Variants in IRGM observed in about 807,000 individuals in gnomAD.
IRGM encodes immunity related GTPase M, also known as immunity-related GTPase family M protein.
For missense variants in IRGM, 288 were observed against 219.9 expected, an observed-to-expected ratio of 1.31 and a Z score of -1.96; for synonymous variants, 98 against 80.6, an observed-to-expected ratio of 1.22 and a Z score of -1.16.
rs183330830 is a variant in IRGM at position 150,895,680 on chromosome 5, G to C, written c.*141-4909G>C. ...TTTCCCACATTCAGTACATATATAA[G>C]GTTTTTCTCCTGTGTGAATTCTCTG... On this transcript the variant is annotated intron_variant and NMD_transcript_variant, in intron 3 of 3. Coordinates refer to the IRGM transcript ENST00000520549. The C allele has an allele frequency of 2.5e-5, 40 of 1,613,512 alleles. No homozygotes were observed. In the East Asian group the frequency reaches 8.2e-4, roughly 33 times the overall value.
chr5:150,874,862 T>C (rs746279418), intron 1 of IRGM, among the ~76,000 whole-genome samples: 3 of 152,228 alleles, frequency 2.0e-5, no homozygotes, highest in Non-Finnish European at 2.9e-5. Flanking sequence ...GAGACAGCTC[T>C]TGGCCTGTCA....
chr5:150,859,561 C>G (rs1212604110), intron 1 of IRGM, among the ~76,000 whole-genome samples: 1 of 152,036 alleles, frequency 6.6e-6, no homozygotes, highest in Non-Finnish European at 1.5e-5. Flanking sequence ...TGGTCCTGGA[C>G]TTTTTTTGGT....
At chr5:150,879,950 G>A (rs577662432) in intron 3 of IRGM, among the ~76,000 whole-genome samples, 39 of 152,264 alleles carry the variant, frequency 2.6e-4, no homozygotes, top group East Asian at 9.7e-4. Context: ...GCTCATAAAC[G>A]TGAGCAGCAG....
At chr5:150,878,005 CA>C in exon 2 of IRGM, 1 of 457,458 alleles carries the variant, frequency 2.2e-6, no homozygotes, top group Non-Finnish European at 4.4e-6. Context: ...CAAGTGTACC[CA>C]AACCACAGCC....
chr5:150,902,016 T>TA (rs1755011006), downstream of IRGM, among the ~76,000 whole-genome samples: 1 of 152,172 alleles, frequency 6.6e-6, no homozygotes, highest in South Asian at 2.1e-4. Context: ...TATAAACTGT[T>TA]AATCAATCAC....
intron 1 of IRGM, among the ~76,000 whole-genome samples, chr5:150,873,129 C>A (rs1325427837): frequency 6.6e-6 from 1 of 152,220 alleles, no homozygotes; most frequent in East Asian, 1.9e-4. Context: ...AGAGGCAAAG[C>A]AGCCATCAGA....
downstream of IRGM, among the ~76,000 whole-genome samples, chr5:150,901,276 A>G (rs193119134): frequency 6.8e-4 from 104 of 152,260 alleles, no homozygotes; most frequent in Admixed American, 3.9e-3. Context: ...TACATTTTCT[A>G]GGAACCACAT....
At chr5:150,895,813 G>A (rs753614263) in intron 3 of IRGM, 23 of 1,613,444 alleles carry the variant, frequency 1.4e-5, no homozygotes, top group Admixed American at 3.3e-5. Flanking sequence ...TGTGACTTGC[G>A]GGAGAATGTC....
intron 3 of IRGM, chr5:150,894,304 T>C (rs1025066036): frequency 2.0e-5 from 3 of 152,242 alleles, no homozygotes; most frequent in African/African-American, 7.2e-5. Flanking sequence ...GCATTACTTC[T>C]CACACCAAGA....
chr5:150,869,267 G>A (rs1480243336), intron 1 of IRGM, among the ~76,000 whole-genome samples: 4 of 152,082 alleles, frequency 2.6e-5, no homozygotes, highest in African/African-American at 9.7e-5. Context: ...TTCTGTTTAT[G>A]TGGTGTATCA....
chr5:150,887,727 C>A (rs565120661), intron 3 of IRGM, among the ~76,000 whole-genome samples: 1 of 151,344 alleles, frequency 6.6e-6, no homozygotes, highest in East Asian at 2.0e-4. Context: ...AAGAAAACTT[C>A]ATCAGGCTAA....
At chr5:150,860,562 C>G (rs1173772127) in intron 1 of IRGM, among the ~76,000 whole-genome samples, 2 of 152,226 alleles carry the variant, frequency 1.3e-5, no homozygotes, top group Non-Finnish European at 2.9e-5. Context: ...TCCTGAGCAA[C>G]CACAGTCCCT....
At chr5:150,864,465 A>G (rs1561744260) in intron 1 of IRGM, among the ~76,000 whole-genome samples, 1 of 152,110 alleles carries the variant, frequency 6.6e-6, no homozygotes, top group African/African-American at 2.4e-5. Context: ...CACATTAAAC[A>G]TTACTTCCTA....
intron 2 of IRGM, among the ~76,000 whole-genome samples, chr5:150,878,774 A>G (rs567329097): frequency 1.4e-5 from 2 of 140,382 alleles, no homozygotes; most frequent in African/African-American, 6.1e-5. Context: ...ATGTATAATT[A>G]TTGTTGTTAT....
At chr5:150,887,658 G>GAAAA (rs75460329) in intron 3 of IRGM, among the ~76,000 whole-genome samples, 6 of 88,532 alleles carry the variant, frequency 6.8e-5, no homozygotes, top group Admixed American at 1.2e-4. Flanking sequence ...AGGTCAAAAT[G>GAAAA]AAAAAAAAAA....
At position 150,848,085 on chromosome 5, in the gene IRGM, G is replaced by A. The variant is rs1189603194; in HGVS notation, c.-39G>A. ...CAAAGTGCTGGGATTACAGGCATGA[G>A]CCACGGCGCCTGGCCAGCATTGGGG... is the stretch of plus-strand genomic sequence containing the variant. On this transcript the variant is annotated 5_prime_UTR_variant, in exon 2 of 2. Coordinates refer to ENST00000522154, the MANE Select transcript of IRGM (RefSeq NM_001145805.2). 5 of 1,491,336 alleles carry A rather than the reference G, an allele frequency of 3.4e-6. No individual in the cohort carries two copies. The Admixed American group carries it at 8.7e-5, about 26-fold the overall frequency. 92.4% of individuals were successfully genotyped at this position (1,491,336 alleles called of 1,614,324 possible).
intron 3 of IRGM, among the ~76,000 whole-genome samples, chr5:150,886,244 G>T (rs892595816): frequency 6.6e-6 from 1 of 152,106 alleles, no homozygotes; most frequent in Admixed American, 6.6e-5. Context: ...CACATCCCAG[G>T]AATGAAGCCT....
At chr5:150,881,937 T>G (rs2113289099) in intron 3 of IRGM, among the ~76,000 whole-genome samples, 1 of 152,216 alleles carries the variant, frequency 6.6e-6, no homozygotes, top group South Asian at 2.1e-4. Context: ...ATCCCAACAC[T>G]TTGGGAGGCC....
chr5:150,896,025 C>G, intron 3 of IRGM: 5 of 1,613,462 alleles, frequency 3.1e-6, no homozygotes, highest in Non-Finnish European at 4.2e-6. Context: ...CGGCTTCTCT[C>G]CAGTATGAGC....
Sources: gnomAD v4.1 joint callset for allele counts (sites outside exome capture counted in the v4.1 genomes callset) on GRCh38, gnomAD v4.1.1 for gene constraint, MANE v1.5 for transcripts, NCBI Gene and HGNC (gene_info 2026-07-23, HGNC 2026-07-21) for gene names.